The following SPOCK1 variants were observed in gnomAD, a reference collection of about 807,000 sequenced individuals.
SPOCK1 encodes the protein testican-1.
Under a neutral mutation model 55.3 loss-of-function variants are expected in SPOCK1, and 23 were observed. The ratio of observed to expected loss-of-function variants is 0.42; its 90% CI spans 0.30 to 0.59. The LOEUF is 0.59. SPOCK1 is among the 20% of genes least tolerant of loss of function. The pLI is 0.22. For synonymous variants in SPOCK1, 226 were observed against 221.0 expected, an observed-to-expected ratio of 1.02 and a Z score of -0.20; for missense variants, 499 against 552.5, an observed-to-expected ratio of 0.90 and a Z score of 0.97.
At chr5:137,068,195 G>A (rs1310020894) in intron 5 of SPOCK1, among the ~76,000 whole-genome samples, 8 of 152,104 alleles carry the variant, frequency 5.3e-5, no homozygotes, top group African/African-American at 1.7e-4. Flanking sequence ...CACTCCTCCC[G>A]TGTGGAGGTA....
intron 6 of SPOCK1, among the ~76,000 whole-genome samples, chr5:136,999,730 T>C (rs13153751): frequency 0.15 from 22,417 of 152,154 alleles, 2,167 homozygotes; most frequent in East Asian, 0.4. Context: ...TTCAAAGCTA[T>C]AGTGTTACTA....
intron 3 of SPOCK1, among the ~76,000 whole-genome samples, chr5:137,250,444 G>GT (rs1034910078): frequency 5.3e-5 from 8 of 152,182 alleles, no homozygotes; most frequent in Admixed American, 3.3e-4. Flanking sequence ...GCACGTACTA[G>GT]TTTTTTAATA....
intron 3 of SPOCK1, among the ~76,000 whole-genome samples, chr5:137,217,442 C>G (rs764415429): frequency 5.3e-5 from 8 of 152,188 alleles, no homozygotes; most frequent in Non-Finnish European, 1.0e-4. Context: ...GAGCCTCCCC[C>G]ACCACAGCCT....
chr5:137,174,029 C>T (rs1257899852), intron 3 of SPOCK1, among the ~76,000 whole-genome samples: 1 of 152,354 alleles, frequency 6.6e-6, no homozygotes, highest in Admixed American at 6.5e-5. Context: ...TCTGAACCTG[C>T]TTTAAGAAAT....
At chr5:136,992,792 C>G (rs1201519817) in intron 6 of SPOCK1, 192 bp from the exon 7 acceptor site, 21 of 481,514 alleles carry the variant, frequency 4.4e-5, no homozygotes, top group Non-Finnish European at 7.3e-5. Flanking sequence ...AGCCTAGACC[C>G]CCAGGGCAAG....
chr5:137,357,985 G>GA (rs899719873), intron 2 of SPOCK1, among the ~76,000 whole-genome samples: 17 of 150,816 alleles, frequency 1.1e-4, no homozygotes, highest in African/African-American at 1.7e-4. Context: ...ACACAAATGA[G>GA]AAAAAAAAAG....
chr5:137,392,407 A>T (rs1033981748), intron 2 of SPOCK1, among the ~76,000 whole-genome samples: 1 of 152,202 alleles, frequency 6.6e-6, no homozygotes, highest in Non-Finnish European at 1.5e-5. Flanking sequence ...TGGAATGTTC[A>T]GTTATTTCTA....
intron 6 of SPOCK1, among the ~76,000 whole-genome samples, chr5:137,030,904 CTGAT>C (rs1329193203): frequency 6.6e-6 from 1 of 152,130 alleles, no homozygotes; most frequent in African/African-American, 2.4e-5. Flanking sequence ...CCTCAAAAAA[CTGAT>C]TCGAGGGGAG....
At chr5:137,469,341 C>T (rs997626821) in intron 2 of SPOCK1, among the ~76,000 whole-genome samples, 1 of 152,198 alleles carries the variant, frequency 6.6e-6, no homozygotes, top group African/African-American at 2.4e-5. Flanking sequence ...TTATTCAGTC[C>T]TCCAAGAGTT....
chr5:137,024,617 A>T (rs926220659), intron 6 of SPOCK1, among the ~76,000 whole-genome samples: 1 of 152,012 alleles, frequency 6.6e-6, no homozygotes, highest in African/African-American at 2.4e-5. Flanking sequence ...TGTAAAAAAA[A>T]AAAAAAAGTA....
At chr5:137,110,852 G>C (rs975691211) in intron 5 of SPOCK1, among the ~76,000 whole-genome samples, 1 of 152,100 alleles carries the variant, frequency 6.6e-6, no homozygotes, top group Non-Finnish European at 1.5e-5. Context: ...ATAACCTGTT[G>C]AATGAACCAA....
intron 3 of SPOCK1, among the ~76,000 whole-genome samples, chr5:137,177,114 T>C (rs1397873424): frequency 6.6e-6 from 1 of 152,186 alleles, no homozygotes; most frequent in African/African-American, 2.4e-5. Flanking sequence ...GGATACAGTA[T>C]GCTCAGGGAA....
rs2698236 is a variant in SPOCK1 at position 137,355,136 on chromosome 5, C to T, written c.187-88081G>A. ...CAGGCTGGTCTTGAACTCCTAAACT[C>T]GCAATCCACCCACCTCAGCCTCCCA... On this transcript the variant is annotated intron_variant, in intron 2 of 10. Coordinates refer to ENST00000394945, the MANE Select transcript of SPOCK1 (RefSeq NM_004598.4). Among the ~76,000 whole-genome samples, 904 of 152,146 alleles carry T rather than the reference C, an allele frequency of 5.9e-3. 2 individuals carry two copies. Among genetic ancestry groups the T allele is most frequent in the Middle Eastern group, 0.014 (4 of 294 alleles).
intron 2 of SPOCK1, chr5:137,313,460 G>A: frequency 1.0e-6 from 1 of 985,434 alleles, no homozygotes. Flanking sequence ...GAAATCATCA[G>A]GGCACAGGCC....
chr5:137,013,809 T>C (rs181427249), intron 6 of SPOCK1, among the ~76,000 whole-genome samples: 1 of 152,354 alleles, frequency 6.6e-6, no homozygotes, highest in East Asian at 1.9e-4. Flanking sequence ...ACTTCTCTTT[T>C]TCACTGCATC....
intron 5 of SPOCK1, among the ~76,000 whole-genome samples, chr5:137,100,923 A>G (rs1753252594): frequency 1.3e-5 from 2 of 152,142 alleles, no homozygotes; most frequent in South Asian, 4.1e-4. Context: ...GAGCATCATT[A>G]AAGCCCATTT....
At chr5:137,190,302 T>A (rs1035974777) in intron 3 of SPOCK1, among the ~76,000 whole-genome samples, 5 of 152,180 alleles carry the variant, frequency 3.3e-5, no homozygotes, top group African/African-American at 9.7e-5. Context: ...GCAAACTTCA[T>A]TGTTGTATTA....
chr5:137,084,542 G>GT (rs759476417), intron 5 of SPOCK1, among the ~76,000 whole-genome samples: 64 of 152,138 alleles, frequency 4.2e-4, no homozygotes, highest in Middle Eastern at 6.8e-3. Context: ...TAGAATCAGT[G>GT]TGGCAGGGGC....
intron 2 of SPOCK1, among the ~76,000 whole-genome samples, chr5:137,431,700 A>G (rs1220290297): frequency 2.0e-5 from 3 of 152,200 alleles, no homozygotes; most frequent in Non-Finnish European, 4.4e-5. Flanking sequence ...GTGGATAGTT[A>G]CAAAGCCAGG....
Sources: gnomAD v4.1 joint callset for allele counts (sites outside exome capture counted in the v4.1 genomes callset) on GRCh38, gnomAD v4.1.1 for gene constraint, MANE v1.5 for transcripts, NCBI Gene and HGNC (gene_info 2026-07-23, HGNC 2026-07-21) for gene names.